SERPINB2: variants seen among roughly 807,000 people sequenced by gnomAD.
SERPINB2 encodes plasminogen activator inhibitor 2.
SERPINB2 carries 28 observed loss-of-function variants against 39.4 expected under a neutral mutation model. The ratio of observed to expected loss-of-function variants is 0.71; its 90% CI spans 0.53 to 0.97. The LOEUF (loss-of-function observed/expected upper bound fraction) is 0.97. Among genes scored for constraint, SERPINB2 ranks in the 50% least tolerant of loss-of-function variants. SERPINB2 has a pLI of 0.00. For missense variants in SERPINB2, 557 were observed against 505.3 expected, an observed-to-expected ratio of 1.10 and a Z score of -0.98; for synonymous variants, 209 against 175.1, an observed-to-expected ratio of 1.19 and a Z score of -1.53.
At position 63,897,186 on chromosome 18, in the gene SERPINB2, G is replaced by A; in HGVS notation, c.384G>A (p.Lys128=). ...TGNYLLESVN[K]LFGEKSASFR... ...ATTATTTACTGGAAAGTGTCAATAA[G>A]CTGTTTGGTGAGAAGTCTGCGAGCT... Residue 128 remains lysine (K), a synonymous_variant, in exon 4 of 8, where the codon AAG becomes AAA. Coordinates refer to ENST00000299502, the MANE Select transcript of SERPINB2 (RefSeq NM_002575.3). 1 of 1,612,844 alleles carries A rather than the reference G, an allele frequency of 6.2e-7. No homozygotes were observed. The highest frequency in any genetic ancestry group is 8.5e-7 in the Non-Finnish European group (1 of 1,179,366).
intron 1 of SERPINB2, among the ~76,000 whole-genome samples, chr18:63,888,744 C>T (rs1264017220): frequency 6.6e-6 from 1 of 152,200 alleles, no homozygotes; most frequent in East Asian, 1.9e-4. Context: ...AAGCCCAACC[C>T]TGCATATTAC....
chr18:63,891,396 T>C, intron 1 of SERPINB2, 40 bp from the exon 2 acceptor site: 1 of 1,606,902 alleles, frequency 6.2e-7, no homozygotes, highest in Non-Finnish European at 8.5e-7. Flanking sequence ...TGTTACCTTA[T>C]GTTTCAGAGC....
At chr18:63,892,388 C>T (rs1006762699) in intron 2 of SERPINB2, among the ~76,000 whole-genome samples, 2 of 152,194 alleles carry the variant, frequency 1.3e-5, no homozygotes, top group Non-Finnish European at 2.9e-5. Flanking sequence ...TGCCGGACTA[C>T]TTCAATTATA....
chr18:63,903,246 C>T lies in SERPINB2; in HGVS notation c.1189C>T (p.Leu397Phe). Residue 397 changes from leucine (L) to phenylalanine (F), a missense_variant, in exon 8 of 8, where the codon CTT becomes TTT. By Grantham distance (22) the Leu-to-Phe change is conservative (BLOSUM62 0). Transcript: ENST00000299502. ...TGTGGCAGATCATCCTTTTCTTTTT[C>T]TTATTATGCATAAGATAACCAACTG... ...QFVADHPFLF[L>F]IMHKITNCIL... The T allele has an allele frequency of 1.9e-6, 3 of 1,593,116 alleles. No individual in the cohort carries two copies. Among genetic ancestry groups the T allele is most frequent in the Non-Finnish European group, 2.6e-6 (3 of 1,171,468 alleles).
rs1423770445 is a variant in SERPINB2 at position 63,902,983 on chromosome 18, T to C, written c.926T>C (p.Ile309Thr). The C allele has an allele frequency of 4.3e-6, 7 of 1,613,808 alleles. No homozygotes were observed. The highest frequency in any genetic ancestry group is 2.2e-5 in the East Asian group (1 of 44,864). ...KMAEDEVEVYIPQFKLEEHYE... is the reference protein window; with the variant it reads ...KMAEDEVEVYTPQFKLEEHYE... Reference sequence around the variant, plus strand: ...GCTGAAGATGAAGTTGAGGTATACATACCCCAGTTCAAATTAGAAGAGCAT... The same window carrying C: ...GCTGAAGATGAAGTTGAGGTATACACACCCCAGTTCAAATTAGAAGAGCAT... Residue 309 changes from isoleucine (I) to threonine (T), a missense_variant, in exon 8 of 8, where the codon ATA (isoleucine) becomes ACA (threonine). Transcript: ENST00000299502.
At chr18:63,894,358 A>T (rs1374744273) in intron 2 of SERPINB2, among the ~76,000 whole-genome samples, 1 of 152,050 alleles carries the variant, frequency 6.6e-6, no homozygotes, top group Non-Finnish European at 1.5e-5. Flanking sequence ...ACAAACCCTA[A>T]CACCTCTCCT....
At chr18:63,901,970 A>T in intron 6 of SERPINB2, 88 bp downstream of exon 6, 1 of 1,261,054 alleles carries the variant, frequency 7.9e-7, no homozygotes, top group Non-Finnish European at 1.1e-6. Context: ...CGCTCATTAT[A>T]GACTTGCTAG....
In SERPINB2 at chr18:63,893,639, T is replaced by C. The variant is rs573278364; in HGVS notation, c.169-1625T>C. 3.9e-5 allele frequency among the ~76,000 whole-genome samples: 6 copies of C among 152,354 alleles called. No individual in the cohort carries two copies. The South Asian group carries it at 8.3e-4, about 21-fold the overall frequency. On this transcript the variant is annotated intron_variant, in intron 2 of 7. Transcript: ENST00000299502. ...TCCTTACTACATGTGTGTGAGGACA[T>C]TGAAACCATTTGCATCTCAGTTTTC...
Position 63,902,497 on chromosome 18 carries a change from T to C in SERPINB2, c.772T>C (p.Tyr258His), listed in dbSNP as rs143996604. 12 of 1,613,604 alleles carry C rather than the reference T, an allele frequency of 7.4e-6. No homozygotes were observed. ...DLKAQILELP[Y>H]AGDVSMFLLL... ...AAAGGCTCAGATTCTAGAACTCCCA[T>C]ATGCTGGAGATGTTAGCATGTTCTT... is the stretch of plus-strand genomic sequence containing the variant. Residue 258 changes from tyrosine (Y) to histidine (H), a missense_variant, in exon 7 of 8, where the codon TAT (tyrosine) becomes CAT (histidine). Transcript: ENST00000299502.
rs752369315 is a variant in SERPINB2, at chr18:63,889,312, AATGC to A, written c.-10+1545_-10+1548del. On this transcript the variant is annotated intron_variant, in intron 1 of 7. Transcript: ENST00000299502. ...GAAACTATCTTTTTTGAAAGAAGTA[AATGC>A]ATCCAGGAAAATTTGCTTCTGTTCT... is the stretch of plus-strand genomic sequence containing the variant. Among the ~76,000 whole-genome samples the A allele has an allele frequency of 9.2e-5, 14 of 152,214 alleles. 1 individual carries two copies. Among genetic ancestry groups the A allele is most frequent in the Admixed American group, 7.2e-4 (11 of 15,290 alleles).
chr18:63,889,059 G>T (rs2049909345), intron 1 of SERPINB2, among the ~76,000 whole-genome samples: 1 of 152,158 alleles, frequency 6.6e-6, no homozygotes, highest in Admixed American at 6.5e-5. Flanking sequence ...GAAAGCATTA[G>T]ACTTGGAATC....
chr18:63,895,273 T>C lies in SERPINB2; in HGVS notation c.178T>C (p.Phe60Leu). The stretch of plus-strand genomic sequence containing the variant: ...CTAATTCTGATTGCAGGTGCTTCAG[T>C]TTAATGAAGTGGGAGCCAATGCAGT... The part of the protein sequence containing the change: ...TEDQMAKVLQ[F>L]NEVGANAVTP... The change falls in exon 3 of 8, where the codon TTT becomes CTT. Residue 60 changes from phenylalanine to leucine, a missense_variant. By Grantham distance (22) the Phe-to-Leu change is conservative. Coordinates refer to ENST00000299502, the MANE Select transcript of SERPINB2 (RefSeq NM_002575.3). 6.2e-7 allele frequency: 1 copy of C among 1,613,716 alleles called. No individual in the cohort carries two copies.
intron 6 of SERPINB2, 71 bp from the exon 7 acceptor site, chr18:63,902,333 C>T: frequency 4.4e-6 from 6 of 1,356,770 alleles, no homozygotes; most frequent in Non-Finnish European, 5.9e-6. Context: ...ACCAATCCTC[C>T]TTTATGTCTA....
chr18:63,892,465 G>A (rs1438244811), intron 2 of SERPINB2, among the ~76,000 whole-genome samples: 1 of 152,162 alleles, frequency 6.6e-6, no homozygotes, highest in Non-Finnish European at 1.5e-5. Flanking sequence ...TTACTTCCAA[G>A]GTTAGTGACC....
At chr18:63,894,057 C>G (rs1207925539) in intron 2 of SERPINB2, among the ~76,000 whole-genome samples, 1 of 152,148 alleles carries the variant, frequency 6.6e-6, no homozygotes, top group Non-Finnish European at 1.5e-5. Flanking sequence ...CCCATCCAGG[C>G]CAAACTGCCT....
At chr18:63,891,338 C>G in intron 1 of SERPINB2, 98 bp from the exon 2 acceptor site, 1 of 1,214,822 alleles carries the variant, frequency 8.2e-7, no homozygotes, top group Non-Finnish European at 1.2e-6. Context: ...GGGAATCTGT[C>G]CCTACACAGA....
At chr18:63,901,985 A>G (rs2049994576) in intron 6 of SERPINB2, 103 bp downstream of exon 6, 4 of 1,114,916 alleles carry the variant, frequency 3.6e-6, no homozygotes, top group Middle Eastern at 2.5e-4. Flanking sequence ...TGCTAGTTAG[A>G]AGTTATGCAT....
rs779724826 is a variant in SERPINB2 at position 63,903,074 on chromosome 18, T to C, written c.1017T>C (p.Asn339=). The C allele has an allele frequency of 1.2e-5, 19 of 1,613,530 alleles. No homozygotes were observed. Among genetic ancestry groups the C allele is most frequent in the Non-Finnish European group, 1.3e-5 (15 of 1,179,764 alleles). The change falls in exon 8 of 8, where the codon AAT becomes AAC. Residue 339 remains asparagine, a synonymous_variant. Transcript: ENST00000299502. Reference sequence around the variant, plus strand: ...ACGCCTTCAACAAGGGACGGGCCAATTTCTCAGGGATGTCGGAGAGGAATG... The same window carrying C: ...ACGCCTTCAACAAGGGACGGGCCAACTTCTCAGGGATGTCGGAGAGGAATG... ...MEDAFNKGRA[N]FSGMSERNDL... is the part of the protein sequence containing the mutation.
intron 5 of SERPINB2, 84 bp downstream of exon 5, chr18:63,897,928 C>T: frequency 1.1e-6 from 1 of 890,782 alleles, no homozygotes; most frequent in South Asian, 1.5e-5. Context: ...CTTAGTTAGC[C>T]CTCACCCCTT....
Sources: allele counts gnomAD v4.1 joint callset (sites outside exome capture counted in the v4.1 genomes callset), GRCh38; gene constraint gnomAD v4.1.1; transcripts MANE v1.5; gene names NCBI Gene and HGNC (gene_info 2026-07-23, HGNC 2026-07-21).